Variants in SNX29 observed in about 807,000 individuals in gnomAD.
SNX29 encodes sorting nexin 29, also known as sorting nexin-29.
A neutral mutation model predicts 102.1 loss-of-function variants in SNX29; 78 were observed. The ratio of observed to expected loss-of-function variants is 0.76; its 90% CI spans 0.64 to 0.92. The LOEUF is 0.92. Ranked by LOEUF, SNX29 falls within the 40% of genes least tolerant of loss-of-function variation. The pLI, the probability that SNX29 is intolerant of heterozygous loss-of-function variation, is 0.00. For synonymous variants in SNX29, 580 were observed against 414.5 expected, an observed-to-expected ratio of 1.40 and a Z score of -4.85; for missense variants, 1,280 against 1,061.7, an observed-to-expected ratio of 1.21 and a Z score of -2.86.
At chr16:12,464,200 CT>C (rs1444789204) in intron 18 of SNX29, among the ~76,000 whole-genome samples, 2 of 147,232 alleles carry the variant, frequency 1.4e-5, no homozygotes, top group Non-Finnish European at 3.0e-5. Flanking sequence ...GAATTCCCTT[CT>C]TTTTTATGGC....
chr16:12,539,470 A>G (rs866561689), intron 20 of SNX29, among the ~76,000 whole-genome samples: 2 of 152,218 alleles, frequency 1.3e-5, no homozygotes, highest in African/African-American at 4.8e-5. Flanking sequence ...TGGATATACC[A>G]CGGTTTATCT....
chr16:12,542,767 T>C (rs1228146208), intron 20 of SNX29, among the ~76,000 whole-genome samples: 1 of 152,146 alleles, frequency 6.6e-6, no homozygotes, highest in East Asian at 1.9e-4. Flanking sequence ...GCCTTTTTTT[T>C]TTTTTTAAAC....
At position 12,397,970 on chromosome 16, in the gene SNX29, C is replaced by A. The variant is rs567325125; in HGVS notation, c.1900-476C>A. On this transcript the variant is annotated intron_variant, in intron 16 of 20. Transcript: ENST00000566228. The stretch of plus-strand genomic sequence containing the variant: ...CTTCTGAGTCAGGAGAAGCCATATT[C>A]TGCTGCCTCAAATTGCTCGTACATT... 7.9e-5 allele frequency among the ~76,000 whole-genome samples: 12 copies of A among 152,306 alleles called. No homozygotes were observed. In the South Asian group the frequency reaches 2.5e-3, roughly 32 times the overall value.
chr16:12,442,153 C>T (rs945508563), intron 18 of SNX29, among the ~76,000 whole-genome samples: 1 of 152,110 alleles, frequency 6.6e-6, no homozygotes, highest in African/African-American at 2.4e-5. Context: ...GTTGTCCCAG[C>T]ACAGTTTGTT....
intron 20 of SNX29, among the ~76,000 whole-genome samples, chr16:12,530,798 C>T (rs1204195369): frequency 6.6e-6 from 1 of 152,208 alleles, no homozygotes; most frequent in Admixed American, 6.5e-5. Flanking sequence ...TCCAGTGATC[C>T]ACCCGCCTTG....
chr16:12,417,079 G>T (rs8061365), intron 18 of SNX29, among the ~76,000 whole-genome samples: 2 of 151,814 alleles, frequency 1.3e-5, no homozygotes, highest in African/African-American at 4.8e-5. Context: ...TGCAGCCAGG[G>T]TGCCAGCCAC....
chr16:12,037,108 T>G (rs1333567277), intron 4 of SNX29, among the ~76,000 whole-genome samples: 1 of 152,086 alleles, frequency 6.6e-6, no homozygotes, highest in East Asian at 1.9e-4. Flanking sequence ...ATCCTACTTC[T>G]AGAACGGGGT....
chr16:12,068,984 A>G, intron 9 of SNX29, 73 bp from the exon 10 acceptor site: 1 of 1,425,854 alleles, frequency 7.0e-7, no homozygotes, highest in East Asian at 2.3e-5. Flanking sequence ...CAATGTCTGC[A>G]TTGTGTCTTT....
At chr16:12,179,986 TTCTTTCAGTC>T (rs1364439822) in intron 13 of SNX29, among the ~76,000 whole-genome samples, 3 of 152,194 alleles carry the variant, frequency 2.0e-5, no homozygotes, top group African/African-American at 7.2e-5. Flanking sequence ...ACATGGCATG[TTCTTTCAGTC>T]TCTTTCAATG....
chr16:12,238,014 C>G (rs1446829584), intron 14 of SNX29, among the ~76,000 whole-genome samples: 1 of 152,146 alleles, frequency 6.6e-6, no homozygotes, highest in African/African-American at 2.4e-5. Context: ...ACATGCATAG[C>G]AGCTGAGGAG....
At chr16:12,219,623 T>C (rs145009057) in intron 14 of SNX29, among the ~76,000 whole-genome samples, 135 of 152,376 alleles carry the variant, frequency 8.9e-4, no homozygotes, top group African/African-American at 3.1e-3. Context: ...CTTCCCTTTC[T>C]CTCTTCCTTA....
chr16:12,264,251 C>G (rs533713461), intron 14 of SNX29, among the ~76,000 whole-genome samples: 30 of 152,198 alleles, frequency 2.0e-4, no homozygotes, highest in Non-Finnish European at 3.7e-4. Flanking sequence ...CCATATCTAA[C>G]TGCCTGTGGT....
At chr16:12,290,234 C>T (rs959847741) in intron 15 of SNX29, among the ~76,000 whole-genome samples, 38 of 152,224 alleles carry the variant, frequency 2.5e-4, no homozygotes, top group Admixed American at 1.8e-3. Context: ...TTCAGTCATG[C>T]TTCTTACCTT....
intron 18 of SNX29, among the ~76,000 whole-genome samples, chr16:12,476,385 T>A (rs28635858): frequency 0.011 from 89 of 7,956 alleles, no homozygotes; most frequent in East Asian, 0.029. Flanking sequence ...AAAAAAAAAA[T>A]ATATATATAT....
chr16:12,359,716 TCA>T (rs765206765), intron 16 of SNX29, among the ~76,000 whole-genome samples: 6 of 152,240 alleles, frequency 3.9e-5, no homozygotes, highest in Non-Finnish European at 8.8e-5. Context: ...ACTTCTCAAC[TCA>T]CATTATTTGG....
chr16:12,532,630 A>G lies in SNX29; in HGVS notation c.2318+7789A>G, dbSNP rs140352040. 1.6e-3 allele frequency among the ~76,000 whole-genome samples: 250 copies of G among 152,286 alleles called. 3 individuals are homozygous for G. Among genetic ancestry groups the G allele is most frequent in the African/African-American group, 5.9e-3 (245 of 41,558 alleles). The stretch of plus-strand genomic sequence containing the variant: ...ATTTGGAAACACTCTTTGGGATGCG[A>G]TTTCCTGATATAAAACGTGGAATTG... On this transcript the variant is annotated intron_variant, in intron 20 of 20. Transcript: ENST00000566228.
chr16:12,354,771 A>G (rs2082084635), intron 15 of SNX29, among the ~76,000 whole-genome samples: 1 of 152,170 alleles, frequency 6.6e-6, no homozygotes, highest in Non-Finnish European at 1.5e-5. Context: ...AGGCCCAAAG[A>G]CGATCGACTC....
At chr16:12,511,566 T>C (rs1043433140) in intron 19 of SNX29, among the ~76,000 whole-genome samples, 2 of 152,176 alleles carry the variant, frequency 1.3e-5, no homozygotes, top group African/African-American at 4.8e-5. Flanking sequence ...TTTCCTGAAA[T>C]AGAGACATGC....
chr16:12,037,792 A>G (rs1463704943), intron 4 of SNX29, among the ~76,000 whole-genome samples: 3 of 141,852 alleles, frequency 2.1e-5, no homozygotes, highest in African/African-American at 8.0e-5. Context: ...GTCTCTACAG[A>G]AAAAAAAAAA....
Sources: gnomAD v4.1 joint callset for allele counts (sites outside exome capture counted in the v4.1 genomes callset) on GRCh38, gnomAD v4.1.1 for gene constraint, MANE v1.5 for transcripts, NCBI Gene and HGNC (gene_info 2026-07-23, HGNC 2026-07-21) for gene names.